Variants in PMS1 observed in about 807,000 individuals in gnomAD.
The protein encoded by PMS1 is PMS1 homolog 1, mismatch repair system component.
A neutral mutation model predicts 93.1 loss-of-function variants in PMS1; 79 were observed. That is an observed-to-expected ratio of 0.85 (90% CI 0.71 to 1.02). The LOEUF is 1.02. Among genes scored for constraint, PMS1 ranks in the 50% least tolerant of loss-of-function variants. The probability of loss-of-function intolerance (pLI) is 0.00; values close to 1 mark genes in which losing one functional copy is unlikely to be tolerated. For missense variants in PMS1, 1,064 were observed against 1,085.3 expected (o/e 0.98, Z 0.28); for synonymous variants, 335 against 363.4 (o/e 0.92, Z 0.89).
chr2:189,792,623 CCTAA>C (rs1287505944), intron 2 of PMS1, among the ~76,000 whole-genome samples: 1 of 146,016 alleles, frequency 6.8e-6, no homozygotes. Context: ...AGGAAAGGGA[CCTAA>C]CTTTTTCTTA....
intron 5 of PMS1, among the ~76,000 whole-genome samples, chr2:189,835,005 C>A (rs2053264879): frequency 6.6e-6 from 1 of 152,132 alleles, no homozygotes; most frequent in Non-Finnish European, 1.5e-5. Flanking sequence ...ACCAACATGC[C>A]CAGCTTATTA....
chr2:189,826,884 A>G (rs2052479159), intron 5 of PMS1, among the ~76,000 whole-genome samples: 5 of 152,194 alleles, frequency 3.3e-5, no homozygotes, highest in Admixed American at 3.3e-4. Flanking sequence ...TGTATGAAAC[A>G]CTAGTTTTAA....
Position 189,867,884 on chromosome 2 carries a change from G to C in PMS1, c.2428G>C (p.Asp810His), listed in dbSNP as rs2056798221. ...ATACAGTGGATCAACTTACCTGTCT[G>C]ATCCTCGTCTTACAGCGAATGGTTT... ...QRYSGSTYLSDPRLTANGFKI... is the reference protein window; with the variant it reads ...QRYSGSTYLSHPRLTANGFKI... Residue 810 changes from aspartate (D) to histidine (H), a missense_variant, in exon 11 of 13, where the codon GAT becomes CAT. Transcript: ENST00000441310. 1.9e-6 allele frequency: 3 copies of C among 1,607,972 alleles called. No homozygotes were observed. Among genetic ancestry groups the C allele is most frequent in the Non-Finnish European group, 2.6e-6 (3 of 1,174,552 alleles).
intron 9 of PMS1, among the ~76,000 whole-genome samples, chr2:189,861,526 G>A (rs1220439904): frequency 6.6e-6 from 1 of 151,962 alleles, no homozygotes; most frequent in Non-Finnish European, 1.5e-5. Flanking sequence ...AAGGCAGGTG[G>A]ATCACCTGAA....
At chr2:189,876,544 C>A (rs1248769939) in intron 12 of PMS1, among the ~76,000 whole-genome samples, 2 of 152,070 alleles carry the variant, frequency 1.3e-5, no homozygotes, top group East Asian at 3.9e-4. Context: ...ACATTTAGTT[C>A]TTTCTCTTCT....
rs150997226 is a variant in PMS1, at chr2:189,840,186, G to C, written c.583-3778G>C. On this transcript the variant is annotated intron_variant, in intron 5 of 12. Transcript: ENST00000441310. ...CAAATAACAGTTTACAAATCAGGCA[G>C]CCCCCAGAGCCAGAGTAATTTCAGA... Among the ~76,000 whole-genome samples the C allele has an allele frequency of 1.1e-3, 166 of 152,228 alleles. 2 individuals carry two copies. In the East Asian group the frequency reaches 0.02, roughly 18 times the overall value.
In PMS1 at chr2:189,795,892, A is replaced by G; in HGVS notation, c.256A>G (p.Asn86Asp). ...SKINSHEDLE[N>D]LTTYGFRGEA... ...AATAAATAGTCATGAAGATCTTGAAAATTTGACAACTTACGGTTTTCGTGG... is the reference window on the plus strand; with the variant it reads ...AATAAATAGTCATGAAGATCTTGAAGATTTGACAACTTACGGTTTTCGTGG... The change falls in exon 3 of 13, where the codon AAT (asparagine) becomes GAT (aspartate). Residue 86 changes from asparagine (N) to aspartate (D), a missense_variant. Transcript: ENST00000441310. 5.0e-6 allele frequency: 8 copies of G among 1,613,850 alleles called. No individual in the cohort carries two copies. The highest frequency in any genetic ancestry group is 6.8e-6 in the Non-Finnish European group (8 of 1,179,740).
intron 1 of PMS1, among the ~76,000 whole-genome samples, chr2:189,785,981 C>T (rs1267148739): frequency 5.3e-5 from 8 of 152,010 alleles, no homozygotes; most frequent in Admixed American, 2.6e-4. Context: ...GAAAATTAGC[C>T]GGGCGTGGTA....
intron 1 of PMS1, among the ~76,000 whole-genome samples, chr2:189,790,524 T>C (rs1256129935): frequency 6.6e-6 from 1 of 152,200 alleles, no homozygotes; most frequent in Non-Finnish European, 1.5e-5. Context: ...TAAGGAAATA[T>C]ATTTGAAATA....
intron 12 of PMS1, 106 bp downstream of exon 12, chr2:189,873,762 G>T: frequency 1.4e-6 from 1 of 734,048 alleles, no homozygotes; most frequent in Non-Finnish European, 2.4e-6. Flanking sequence ...GCCTCCTAGC[G>T]GGCATCACCA....
At chr2:189,865,087 A>G (rs2056526927) in intron 10 of PMS1, among the ~76,000 whole-genome samples, 2 of 152,028 alleles carry the variant, frequency 1.3e-5, no homozygotes, top group South Asian at 4.1e-4. Flanking sequence ...CTCTCTCTCA[A>G]AAAATGGCTG....
chr2:189,831,101 A>G (rs1005060057), intron 5 of PMS1, among the ~76,000 whole-genome samples: 1 of 152,244 alleles, frequency 6.6e-6, no homozygotes, highest in Non-Finnish European at 1.5e-5. Context: ...GATTATTCTA[A>G]GTAGAGATAG....
chr2:189,791,686 G>T, intron 1 of PMS1, 104 bp from the exon 2 acceptor site: 1 of 756,696 alleles, frequency 1.3e-6, no homozygotes. Context: ...CATACAGTAA[G>T]TCTCAGTGAA....
At chr2:189,820,272 G>T (rs968158585) in intron 5 of PMS1, among the ~76,000 whole-genome samples, 7 of 152,090 alleles carry the variant, frequency 4.6e-5, no homozygotes, top group Admixed American at 2.6e-4. Context: ...CATGCCTTCA[G>T]AGTGCTTTGC....
chr2:189,809,737 C>T (rs1026944915), intron 4 of PMS1, among the ~76,000 whole-genome samples: 1 of 151,902 alleles, frequency 6.6e-6, no homozygotes. Context: ...CCCACTGAGG[C>T]AGGAGAATTG....
intron 5 of PMS1, among the ~76,000 whole-genome samples, chr2:189,835,627 T>C (rs1030072763): frequency 3.3e-5 from 5 of 152,172 alleles, no homozygotes; most frequent in African/African-American, 9.7e-5. Context: ...AGTAAACTTA[T>C]GGTACTTAAG....
At chr2:189,787,873 T>C (rs899846287) in intron 1 of PMS1, among the ~76,000 whole-genome samples, 1 of 152,058 alleles carries the variant, frequency 6.6e-6, no homozygotes, top group African/African-American at 2.4e-5. Flanking sequence ...ATTCAGACTG[T>C]AGCAATTAGG....
At chr2:189,821,879 G>A (rs1271297383) in intron 5 of PMS1, among the ~76,000 whole-genome samples, 2 of 152,156 alleles carry the variant, frequency 1.3e-5, no homozygotes, top group African/African-American at 4.8e-5. Flanking sequence ...GAATATATTA[G>A]AAATATTTGA....
At position 189,877,524 on chromosome 2, in the gene PMS1, T is replaced by C; in HGVS notation, c.*88T>C. 3 of 851,276 alleles carry C rather than the reference T, an allele frequency of 3.5e-6. No homozygotes were observed. Among genetic ancestry groups the C allele is most frequent in the Non-Finnish European group, 3.8e-6 (2 of 524,126 alleles). 52.7% of individuals were successfully genotyped at this position (851,276 alleles called of 1,614,324 possible). On this transcript the variant is annotated 3_prime_UTR_variant, in exon 13 of 13. Transcript: ENST00000441310. ...CTGGTTTTAAATTATCTTTGTATTA[T>C]GTGTCACATGGTTATTTTTTAAATG...
Sources: allele counts gnomAD v4.1 joint callset (sites outside exome capture counted in the v4.1 genomes callset), GRCh38; gene constraint gnomAD v4.1.1; transcripts MANE v1.5; gene names NCBI Gene and HGNC (gene_info 2026-07-23, HGNC 2026-07-21).